SOX6: variants seen among roughly 807,000 people sequenced by gnomAD.
SOX6 encodes the protein transcription factor SOX-6.
A neutral mutation model predicts 97.8 loss-of-function variants in SOX6; 11 were observed. The ratio of observed to expected loss-of-function variants is 0.11; its 90% CI spans 0.07 to 0.19. SOX6 has a LOEUF of 0.19. SOX6 is among the 10% of genes least tolerant of loss of function. The pLI, the probability that SOX6 is intolerant of heterozygous loss-of-function variation, is 1.00. For synonymous variants in SOX6, 360 were observed against 371.4 expected, an observed-to-expected ratio of 0.97 and a Z score of 0.35; for missense variants, 810 against 1,039.5, an observed-to-expected ratio of 0.78 and a Z score of 3.04.
At chr11:16,493,532 GTAATA>G (rs1377933138) in intron 4 of SOX6, among the ~76,000 whole-genome samples, 3 of 152,162 alleles carry the variant, frequency 2.0e-5, no homozygotes, top group African/African-American at 7.2e-5. Context: ...AGGCTTCCGG[GTAATA>G]TAAACATTCT....
At chr11:16,277,874 T>G (rs990529057) in intron 3 of SOX6, among the ~76,000 whole-genome samples, 1 of 152,344 alleles carries the variant, frequency 6.6e-6, no homozygotes, top group Non-Finnish European at 1.5e-5. Flanking sequence ...CTGCCTATTA[T>G]TAACTTTGTG....
intron 1 of SOX6, among the ~76,000 whole-genome samples, chr11:16,454,211 GACCC>G (rs1444278965): frequency 6.6e-6 from 1 of 152,038 alleles, no homozygotes; most frequent in African/African-American, 2.4e-5. Context: ...CCAAGGTAAT[GACCC>G]CTGTAGCAGC....
intron 1 of SOX6, among the ~76,000 whole-genome samples, chr11:16,378,842 G>A (rs1476669894): frequency 2.0e-5 from 3 of 151,876 alleles, no homozygotes; most frequent in East Asian, 3.9e-4. Flanking sequence ...ATGACAAAGG[G>A]TTACTATTTT....
intron 1 of SOX6, among the ~76,000 whole-genome samples, chr11:16,425,684 C>T (rs1470348586): frequency 6.6e-6 from 1 of 152,024 alleles, no homozygotes; most frequent in Non-Finnish European, 1.5e-5. Flanking sequence ...ACAGTCAAGC[C>T]GAGATCCAAA....
intron 3 of SOX6, among the ~76,000 whole-genome samples, chr11:16,302,566 C>CTTTTTTTTTTTTTTTTTTTTTTTTTTTTT (rs71044096): frequency 2.3e-5 from 2 of 87,000 alleles, no homozygotes; most frequent in Non-Finnish European, 4.2e-5. Flanking sequence ...TTCTTTTTTT[C>CTTTTTTTTTTTTTTTTTTTTTTTTTTTTT]TTTTTTTTTT....
At chr11:16,586,575 C>G (rs560703614) in intron 4 of SOX6, among the ~76,000 whole-genome samples, 9 of 152,224 alleles carry the variant, frequency 5.9e-5, no homozygotes, top group African/African-American at 2.2e-4. Flanking sequence ...TTTTGATTAG[C>G]TGGACATGGT....
intron 4 of SOX6, among the ~76,000 whole-genome samples, chr11:16,504,350 C>T (rs577153676): frequency 9.9e-5 from 15 of 152,156 alleles, no homozygotes; most frequent in African/African-American, 3.1e-4. Context: ...AATCTTAAGA[C>T]TCCACCAAAA....
At chr11:16,074,166 G>T (rs1272097401) in intron 9 of SOX6, among the ~76,000 whole-genome samples, 1 of 152,010 alleles carries the variant, frequency 6.6e-6, no homozygotes, top group African/African-American at 2.4e-5. Flanking sequence ...CTGGTAGTTT[G>T]TTATTTGAAA....
intron 6 of SOX6, among the ~76,000 whole-genome samples, chr11:16,121,115 A>C (rs1403388681): frequency 2.0e-5 from 3 of 152,084 alleles, no homozygotes; most frequent in Non-Finnish European, 2.9e-5. Flanking sequence ...GCATTTTTTA[A>C]AATGGACAAA....
rs146857059 is a variant in SOX6, at chr11:16,304,678, C to T, written c.445+13768G>A. On this transcript the variant is annotated intron_variant, in intron 3 of 15. Coordinates refer to ENST00000683767, the MANE Select transcript of SOX6 (RefSeq NM_001367873.1). ...GAAATGTGAATGATTTTTAAGTGTT[C>T]GTCTTATATCCTGTGACCTTGTTGA... Among the ~76,000 whole-genome samples the T allele has an allele frequency of 2.3e-4, 35 of 152,096 alleles. No individual in the cohort carries two copies. In the East Asian group the frequency reaches 5.8e-3, roughly 25 times the overall value.
intron 9 of SOX6, among the ~76,000 whole-genome samples, chr11:16,061,319 G>A (rs1287546380): frequency 6.4e-5 from 9 of 140,070 alleles, no homozygotes; most frequent in Non-Finnish European, 4.7e-5. Flanking sequence ...AAAAAAAACA[G>A]GAATATATTT....
intron 7 of SOX6, among the ~76,000 whole-genome samples, chr11:16,098,683 T>C (rs1478918788): frequency 6.6e-6 from 1 of 151,912 alleles, no homozygotes; most frequent in Admixed American, 6.6e-5. Flanking sequence ...GTCAGCGTTA[T>C]GTAATATCTC....
intron 3 of SOX6, among the ~76,000 whole-genome samples, chr11:16,307,882 T>C (rs1422878020): frequency 6.6e-6 from 1 of 152,174 alleles, no homozygotes; most frequent in Admixed American, 6.6e-5. Flanking sequence ...TGAGAGCAAT[T>C]AGGGGAATCC....
intron 4 of SOX6, among the ~76,000 whole-genome samples, chr11:16,212,962 C>G (rs144135721): frequency 6.6e-6 from 1 of 152,136 alleles, no homozygotes; most frequent in African/African-American, 2.4e-5. Context: ...GTACTCTGAA[C>G]AAAGAGAATT....
intron 10 of SOX6, among the ~76,000 whole-genome samples, chr11:16,053,281 C>T (rs1847728707): frequency 6.6e-6 from 1 of 152,140 alleles, no homozygotes; most frequent in Non-Finnish European, 1.5e-5. Context: ...TTGTTTTATA[C>T]AATTTTGTCC....
chr11:16,129,696 A>T (rs570016789), intron 6 of SOX6, among the ~76,000 whole-genome samples: 1 of 152,264 alleles, frequency 6.6e-6, no homozygotes, highest in East Asian at 1.9e-4. Flanking sequence ...AGGAGCAAAA[A>T]CATAAGGTCA....
chr11:16,669,937 C>T (rs115378056), intron 3 of SOX6, among the ~76,000 whole-genome samples: 1 of 152,228 alleles, frequency 6.6e-6, no homozygotes, highest in African/African-American at 2.4e-5. Flanking sequence ...GTCATACAAC[C>T]TAACAACCCT....
intron 4 of SOX6, among the ~76,000 whole-genome samples, chr11:16,227,847 C>T (rs935185756): frequency 6.6e-6 from 1 of 152,138 alleles, no homozygotes; most frequent in African/African-American, 2.4e-5. Context: ...ATGTTCAGAA[C>T]TCTTTACTAT....
chr11:16,619,226 G>A (rs1848509342), intron 3 of SOX6, among the ~76,000 whole-genome samples: 2 of 150,108 alleles, frequency 1.3e-5, no homozygotes, highest in African/African-American at 4.9e-5. Context: ...TGATAATCAT[G>A]AGCCCGTATT....
Sources: allele counts gnomAD v4.1 joint callset (sites outside exome capture counted in the v4.1 genomes callset), GRCh38; gene constraint gnomAD v4.1.1; transcripts MANE v1.5; gene names NCBI Gene and HGNC (gene_info 2026-07-23, HGNC 2026-07-21).